The following DNER variants were observed in gnomAD, a reference collection of about 807,000 sequenced individuals.
DNER encodes delta and Notch-like epidermal growth factor-related receptor.
A neutral mutation model predicts 78.2 loss-of-function variants in DNER; 33 were observed. The ratio of observed to expected loss-of-function variants is 0.42; its 90% CI spans 0.32 to 0.56. The LOEUF (loss-of-function observed/expected upper bound fraction) is 0.56. Among genes scored for constraint, DNER ranks in the 20% least tolerant of loss-of-function variants. The pLI is 0.11. For synonymous variants in DNER, 417 were observed against 384.8 expected, an observed-to-expected ratio of 1.08 and a Z score of -0.98; for missense variants, 918 against 975.3, an observed-to-expected ratio of 0.94 and a Z score of 0.78.
intron 6 of DNER, among the ~76,000 whole-genome samples, chr2:229,501,598 G>C (rs1436937854): frequency 6.6e-6 from 1 of 152,156 alleles, no homozygotes. Context: ...CAATCCTTCT[G>C]TGAAGAGACT....
At chr2:229,528,317 T>A (rs1696243152) in intron 5 of DNER, among the ~76,000 whole-genome samples, 2 of 152,230 alleles carry the variant, frequency 1.3e-5, no homozygotes, top group African/African-American at 4.8e-5. Flanking sequence ...GCTTCTTTTG[T>A]GGTTTGCGCA....
chr2:229,433,008 A>G (rs1490249781), intron 8 of DNER, among the ~76,000 whole-genome samples: 1 of 152,164 alleles, frequency 6.6e-6, no homozygotes, highest in East Asian at 1.9e-4. Flanking sequence ...GGCGCAATCT[A>G]GGGTCACTGC....
intron 10 of DNER, among the ~76,000 whole-genome samples, chr2:229,402,512 A>G (rs1162456757): frequency 6.6e-6 from 1 of 152,206 alleles, no homozygotes; most frequent in East Asian, 1.9e-4. Flanking sequence ...ATATCAAAAA[A>G]TAGTTGAGTT....
chr2:229,386,056 C>T (rs573623236), intron 11 of DNER, among the ~76,000 whole-genome samples: 1 of 152,152 alleles, frequency 6.6e-6, no homozygotes, highest in Non-Finnish European at 1.5e-5. Context: ...CATCATGTTA[C>T]CTGATTTCAA....
intron 1 of DNER, among the ~76,000 whole-genome samples, chr2:229,705,099 C>T (rs966343676): frequency 3.3e-5 from 5 of 152,180 alleles, no homozygotes. Context: ...CCACTCAGCC[C>T]CCATCAGCCC....
chr2:229,532,341 C>T (rs1439398976), intron 5 of DNER, among the ~76,000 whole-genome samples: 1 of 152,150 alleles, frequency 6.6e-6, no homozygotes, highest in Admixed American at 6.6e-5. Flanking sequence ...GCTCCCACCT[C>T]CCCAGGTGCC....
At chr2:229,412,137 T>A (rs1693536723) in intron 9 of DNER, among the ~76,000 whole-genome samples, 1 of 152,202 alleles carries the variant, frequency 6.6e-6, no homozygotes, top group Non-Finnish European at 1.5e-5. Flanking sequence ...TTTGACAATA[T>A]GAGGTATGAA....
Position 229,585,918 on chromosome 2 carries a change from C to G in DNER, c.787G>C (p.Ala263Pro), listed in dbSNP as rs767963205. The change falls in exon 4 of 13, where the codon GCT becomes CCT. Residue 263 changes from alanine to proline, a missense_variant. By Grantham distance (27) the Ala-to-Pro change is conservative. Transcript: ENST00000341772. ...IDGRSVTPLQ[A>P]SGGLVLLEEM... ...TCCAGGAGGACCAGTCCCCCTGAAG[C>G]CTGAAGGGGGGTCACACTTCGTCCA... is the stretch of plus-strand genomic sequence containing the variant. The G allele has an allele frequency of 6.2e-7, 1 of 1,614,022 alleles. No individual in the cohort carries two copies. The highest frequency in any genetic ancestry group is 1.3e-5 in the African/African-American group (1 of 75,018).
chr2:229,624,700 T>G (rs2154215563), intron 1 of DNER, among the ~76,000 whole-genome samples: 1 of 152,342 alleles, frequency 6.6e-6, no homozygotes, highest in South Asian at 2.1e-4. Flanking sequence ...TTTTCACCAA[T>G]GCTAAAATAA....
At chr2:229,712,232 T>C (rs1699922431) in intron 1 of DNER, among the ~76,000 whole-genome samples, 2 of 152,206 alleles carry the variant, frequency 1.3e-5, no homozygotes, top group African/African-American at 4.8e-5. Flanking sequence ...TCCTGCAATG[T>C]TATGTATTAG....
chr2:229,553,308 G>A (rs1696786385), intron 4 of DNER, among the ~76,000 whole-genome samples: 1 of 152,034 alleles, frequency 6.6e-6, no homozygotes, highest in African/African-American at 2.4e-5. Context: ...GTGTTTCCTG[G>A]GCATTCAGTC....
chr2:229,385,576 T>C (rs1402755296), intron 11 of DNER, among the ~76,000 whole-genome samples: 3 of 152,184 alleles, frequency 2.0e-5, no homozygotes, highest in South Asian at 2.1e-4. Flanking sequence ...GAAAGCCCCA[T>C]TGTCTCAGCT....
At chr2:229,611,477 C>T (rs528899754) in intron 1 of DNER, among the ~76,000 whole-genome samples, 1 of 152,288 alleles carries the variant, frequency 6.6e-6, no homozygotes, top group East Asian at 1.9e-4. Flanking sequence ...CAAAGTTCTG[C>T]CACTTAACAA....
chr2:229,628,535 GA>G (rs1275495430), intron 1 of DNER, among the ~76,000 whole-genome samples: 1 of 152,178 alleles, frequency 6.6e-6, no homozygotes, highest in Non-Finnish European at 1.5e-5. Flanking sequence ...TTGTCCAAAA[GA>G]TATCTTATAA....
intron 6 of DNER, among the ~76,000 whole-genome samples, chr2:229,486,833 T>A (rs950695142): frequency 1.3e-5 from 2 of 152,206 alleles, no homozygotes. Context: ...CAGCCCTGCC[T>A]GGGAACTCGT....
At chr2:229,657,755 G>A (rs1214266884) in intron 1 of DNER, among the ~76,000 whole-genome samples, 1 of 152,130 alleles carries the variant, frequency 6.6e-6, no homozygotes, top group Non-Finnish European at 1.5e-5. Context: ...CTCCATCTCT[G>A]AGAGCTAAAA....
intron 3 of DNER, 39 bp downstream of exon 3, chr2:229,588,355 G>C (rs772398440): frequency 2.1e-5 from 34 of 1,590,324 alleles, no homozygotes; most frequent in Non-Finnish European, 2.9e-5. Context: ...ATAGGTCATA[G>C]CATCACTCTT....
intron 1 of DNER, among the ~76,000 whole-genome samples, chr2:229,599,534 A>G (rs1332892177): frequency 1.3e-5 from 2 of 152,148 alleles, no homozygotes; most frequent in African/African-American, 2.4e-5. Flanking sequence ...CCTCCTTCCA[A>G]GTTATGCCAA....
chr2:229,443,565 C>T (rs569209248), intron 8 of DNER, among the ~76,000 whole-genome samples: 3 of 152,164 alleles, frequency 2.0e-5, no homozygotes, highest in South Asian at 2.1e-4. Flanking sequence ...ATCCCTAGCC[C>T]GAAAAGCTAC....
Sources: gnomAD v4.1 joint callset for allele counts (sites outside exome capture counted in the v4.1 genomes callset) on GRCh38, gnomAD v4.1.1 for gene constraint, MANE v1.5 for transcripts, NCBI Gene and HGNC (gene_info 2026-07-23, HGNC 2026-07-21) for gene names.